The following AUTS2 variants were observed in gnomAD, a reference collection of about 807,000 sequenced individuals.
AUTS2 encodes the protein autism susceptibility gene 2 protein.
In AUTS2, 17 loss-of-function variants were observed where a neutral mutation model predicts 112.4. That is an observed-to-expected ratio of 0.15 (90% CI 0.10 to 0.23). The LOEUF is 0.23. Ranked by LOEUF, AUTS2 falls within the 10% of genes least tolerant of loss-of-function variation. The pLI, the probability that AUTS2 is intolerant of heterozygous loss-of-function variation, is 1.00. For synonymous variants in AUTS2, 751 were observed against 702.7 expected (o/e 1.07, Z -1.09); for missense variants, 1,510 against 1,701.6 (o/e 0.89, Z 1.98).
chr7:70,132,164 TAAAAA>T (rs200482728), intron 3 of AUTS2, among the ~76,000 whole-genome samples: 3 of 102,594 alleles, frequency 2.9e-5, no homozygotes, highest in Non-Finnish European at 4.0e-5. Flanking sequence ...TCTTTTCCCT[TAAAAA>T]AAAAAAAAAA....
chr7:70,174,572 A>T (rs1808884381), intron 4 of AUTS2, among the ~76,000 whole-genome samples: 1 of 152,238 alleles, frequency 6.6e-6, no homozygotes, highest in African/African-American at 2.4e-5. Context: ...TCCCATGCCT[A>T]GCTTCAAAGG....
chr7:70,083,860 T>C (rs768457023), intron 2 of AUTS2, among the ~76,000 whole-genome samples: 1 of 152,146 alleles, frequency 6.6e-6, no homozygotes, highest in African/African-American at 2.4e-5. Flanking sequence ...GGTGGGAGGA[T>C]TGCTTGAGCC....
intron 1 of AUTS2, among the ~76,000 whole-genome samples, chr7:69,682,953 G>T (rs1326081802): frequency 6.6e-6 from 1 of 152,214 alleles, no homozygotes; most frequent in African/African-American, 2.4e-5. Context: ...GTCTCGTGCT[G>T]AGAAAATCAG....
In AUTS2 at chr7:70,502,265, A is replaced by G. The variant is rs961245745; in HGVS notation, c.690+66484A>G. 7.9e-5 allele frequency among the ~76,000 whole-genome samples: 12 copies of G among 152,112 alleles called. 1 individual carries two copies. The highest frequency in any genetic ancestry group is 5.2e-4 in the Admixed American group (8 of 15,270). Reference sequence around the variant, plus strand: ...CCTCGTACCCTTTCCCTCTCCAGCCATGTTTATCTTGGCTCCGTATTAATG... The same window carrying G: ...CCTCGTACCCTTTCCCTCTCCAGCCGTGTTTATCTTGGCTCCGTATTAATG... On this transcript the variant is annotated intron_variant, in intron 5 of 18. Transcript: ENST00000342771.
intron 1 of AUTS2, among the ~76,000 whole-genome samples, chr7:69,671,080 A>G (rs539120422): frequency 6.6e-6 from 1 of 152,208 alleles, no homozygotes; most frequent in African/African-American, 2.4e-5. Flanking sequence ...GGCAAAGTAT[A>G]AAAAGAAATG....
At chr7:70,202,937 G>A (rs1429442460) in intron 4 of AUTS2, among the ~76,000 whole-genome samples, 2 of 49,116 alleles carry the variant, frequency 4.1e-5, no homozygotes, top group African/African-American at 2.0e-4. Context: ...CAAAGACTTG[G>A]AACCAACCCA....
chr7:69,956,979 C>T (rs1160988976), intron 2 of AUTS2, among the ~76,000 whole-genome samples: 1 of 152,056 alleles, frequency 6.6e-6, no homozygotes, highest in African/African-American at 2.4e-5. Flanking sequence ...CCTCCTACCT[C>T]AGCCTTCCAA....
chr7:70,640,545 T>C (rs563773066), intron 5 of AUTS2, among the ~76,000 whole-genome samples: 1 of 151,514 alleles, frequency 6.6e-6, no homozygotes, highest in Non-Finnish European at 1.5e-5. Flanking sequence ...ACATACTGTT[T>C]ACTTCTGTGA....
Position 70,489,940 on chromosome 7 carries a change from A to T in AUTS2, c.690+54159A>T, listed in dbSNP as rs76024794. Among the ~76,000 whole-genome samples the T allele has an allele frequency of 6.1e-3, 930 of 152,360 alleles. 6 individuals are homozygous for T. Among genetic ancestry groups the T allele is most frequent in the Non-Finnish European group, 0.01 (710 of 68,034 alleles). On this transcript the variant is annotated intron_variant, in intron 5 of 18. Coordinates refer to ENST00000342771, the MANE Select transcript of AUTS2 (RefSeq NM_015570.4). ...TGGGTCAAAGAGGAAATCACAAGAGAGATTAGATACTATTTTAAACTAAAT... is the reference window on the plus strand; with the variant it reads ...TGGGTCAAAGAGGAAATCACAAGAGTGATTAGATACTATTTTAAACTAAAT...
intron 5 of AUTS2, among the ~76,000 whole-genome samples, chr7:70,581,651 C>T (rs1361216036): frequency 3.3e-5 from 5 of 151,432 alleles, no homozygotes; most frequent in Admixed American, 6.6e-5. Flanking sequence ...TACTCTCACC[C>T]ACCTGACCCC....
At chr7:70,484,546 C>T (rs1442685389) in intron 5 of AUTS2, among the ~76,000 whole-genome samples, 1 of 152,210 alleles carries the variant, frequency 6.6e-6, no homozygotes, top group African/African-American at 2.4e-5. Context: ...TACCTCCCTC[C>T]TCAGTATCCT....
At chr7:70,644,704 C>T (rs1281174631) in intron 5 of AUTS2, among the ~76,000 whole-genome samples, 15 of 152,170 alleles carry the variant, frequency 9.9e-5, no homozygotes, top group Admixed American at 9.8e-4. Flanking sequence ...CCATTTCCAC[C>T]TCCTCCATGA....
intron 4 of AUTS2, among the ~76,000 whole-genome samples, chr7:70,306,829 C>A (rs1434239014): frequency 1.3e-5 from 2 of 152,210 alleles, no homozygotes; most frequent in African/African-American, 2.4e-5. Flanking sequence ...AATCTGCAAA[C>A]CTTGGCAAAA....
chr7:70,245,340 A>G (rs1177811759), intron 4 of AUTS2, among the ~76,000 whole-genome samples: 5 of 151,964 alleles, frequency 3.3e-5, no homozygotes, highest in Admixed American at 3.3e-4. Flanking sequence ...TTAACTTACA[A>G]TTAAAGACCC....
chr7:69,745,338 C>G (rs1256999704), intron 1 of AUTS2, among the ~76,000 whole-genome samples: 1 of 152,142 alleles, frequency 6.6e-6, no homozygotes, highest in Non-Finnish European at 1.5e-5. Context: ...ACCTTTGTCA[C>G]CTGGTAATAT....
At chr7:70,459,731 A>T (rs1562968371) in intron 5 of AUTS2, among the ~76,000 whole-genome samples, 1 of 152,144 alleles carries the variant, frequency 6.6e-6, no homozygotes, top group East Asian at 1.9e-4. Context: ...TTGCAGCTCA[A>T]AGGGGATGGG....
At chr7:70,328,345 C>G (rs1049315013) in intron 4 of AUTS2, among the ~76,000 whole-genome samples, 2 of 152,066 alleles carry the variant, frequency 1.3e-5, no homozygotes, top group African/African-American at 4.8e-5. Flanking sequence ...CCTCAGCCTC[C>G]CTAGCAGCTG....
rs570132745 is a variant in AUTS2, at chr7:70,251,103, C to T, written c.660+116532C>T. Among the ~76,000 whole-genome samples, 22 of 151,870 alleles carry T rather than the reference C, an allele frequency of 1.4e-4. No individual in the cohort carries two copies. The South Asian group carries it at 1.7e-3, about 11-fold the overall frequency. ...TTGTTGAGACGGAGTCTCACTCTGT[C>T]GCTTGGGCTGGAGTGCACTGGCACA... On this transcript the variant is annotated intron_variant, in intron 4 of 18. Transcript: ENST00000342771.
At chr7:69,688,108 A>T (rs928848960) in intron 1 of AUTS2, among the ~76,000 whole-genome samples, 1 of 152,276 alleles carries the variant, frequency 6.6e-6, no homozygotes, top group Non-Finnish European at 1.5e-5. Flanking sequence ...TGAACAATTT[A>T]TGAAACTTAT....
Sources: allele counts gnomAD v4.1 joint callset (sites outside exome capture counted in the v4.1 genomes callset), GRCh38; gene constraint gnomAD v4.1.1; transcripts MANE v1.5; gene names NCBI Gene and HGNC (gene_info 2026-07-23, HGNC 2026-07-21).